The following VAPB variants were observed in gnomAD, a reference collection of about 807,000 sequenced individuals.
VAPB encodes vesicle-associated membrane protein-associated protein B/C.
A neutral mutation model predicts 25.6 loss-of-function variants in VAPB; 7 were observed. The ratio of observed to expected loss-of-function variants is 0.27; its 90% CI spans 0.16 to 0.51. VAPB has a LOEUF of 0.51. VAPB is among the 20% of genes least tolerant of loss of function. The probability of loss-of-function intolerance (pLI) is 0.97; values close to 1 mark genes in which losing one functional copy is unlikely to be tolerated. For synonymous variants in VAPB, 112 were observed against 109.2 expected, an observed-to-expected ratio of 1.03 and a Z score of -0.16; for missense variants, 266 against 301.3, an observed-to-expected ratio of 0.88 and a Z score of 0.87.
In VAPB at chr20:58,449,122, T is replaced by C. The variant is rs1208506632; in HGVS notation, c.*4887T>C. The stretch of plus-strand genomic sequence containing the variant: ...AAGGAGCGTCAGCCGACAGGCAAGC[T>C]TGGGAGGCTGTGGGAATGGGTCTGC... On this transcript the variant is annotated 3_prime_UTR_variant, in exon 6 of 6. Coordinates refer to ENST00000475243, the MANE Select transcript of VAPB (RefSeq NM_004738.5). The C allele has an allele frequency of 2.2e-6, 1 of 454,110 alleles. No individual in the cohort carries two copies. Among genetic ancestry groups the C allele is most frequent in the Non-Finnish European group, 4.4e-6 (1 of 226,788 alleles). 28.1% of individuals were successfully genotyped at this position (454,110 alleles called of 1,614,324 possible).
chr20:58,395,087 C>A (rs937128273), intron 1 of VAPB, among the ~76,000 whole-genome samples: 2 of 151,788 alleles, frequency 1.3e-5, no homozygotes, highest in South Asian at 4.2e-4. Context: ...TCAAATACTA[C>A]CCCTAGGCAT....
In VAPB at chr20:58,444,518, G is replaced by A; in HGVS notation, c.*283G>A. The A allele has an allele frequency of 1.8e-6, 1 of 558,224 alleles. No individual in the cohort carries two copies. Among genetic ancestry groups the A allele is most frequent in the Non-Finnish European group, 3.4e-6 (1 of 294,942 alleles). 34.6% of individuals were successfully genotyped at this position (558,224 alleles called of 1,614,324 possible). ...ATGAGTAATGCCACAATGGCATATTGTAAATGTCATTTTAAACATTGGTAG... is the reference window on the plus strand; with the variant it reads ...ATGAGTAATGCCACAATGGCATATTATAAATGTCATTTTAAACATTGGTAG... On this transcript the variant is annotated 3_prime_UTR_variant, in exon 6 of 6. Coordinates refer to ENST00000475243, the MANE Select transcript of VAPB (RefSeq NM_004738.5).
rs1238166665 is a variant in VAPB, at chr20:58,447,493, T to C, written c.*3258T>C. ...GGGAAAAATGAAGAACCTCCAGTGA[T>C]CCGTGAAAACCTAAACGCTTTCAAA... On this transcript the variant is annotated 3_prime_UTR_variant, in exon 6 of 6. Transcript: ENST00000475243. The C allele has an allele frequency of 1.3e-5, 6 of 453,980 alleles. No homozygotes were observed. The Admixed American group carries it at 1.4e-4, about 11-fold the overall frequency. 28.1% of individuals were successfully genotyped at this position (453,980 alleles called of 1,614,324 possible). A position where few individuals can be genotyped will look rare whatever the true frequency, so the allele number is the denominator to read the frequency against.
chr20:58,390,890 T>G (rs1466408459), intron 1 of VAPB, among the ~76,000 whole-genome samples: 1 of 152,198 alleles, frequency 6.6e-6, no homozygotes, highest in Non-Finnish European at 1.5e-5. Flanking sequence ...GGCTGTCACT[T>G]TGCCTTCCAA....
At chr20:58,430,224 C>T (rs372744237) in intron 2 of VAPB, among the ~76,000 whole-genome samples, 1 of 149,246 alleles carries the variant, frequency 6.7e-6, no homozygotes, top group East Asian at 2.0e-4. Context: ...TGATACTTGA[C>T]ATTTTTTCAT....
chr20:58,428,535 C>T (rs1045282912), intron 2 of VAPB, among the ~76,000 whole-genome samples: 3 of 152,074 alleles, frequency 2.0e-5, no homozygotes, highest in East Asian at 1.9e-4. Context: ...ACCTATAGTC[C>T]TAGCTACTCA....
intron 1 of VAPB, among the ~76,000 whole-genome samples, chr20:58,409,934 C>CACAA (rs1555811896): frequency 1.3e-5 from 2 of 148,338 alleles, no homozygotes; most frequent in Non-Finnish European, 1.5e-5. Context: ...CACACACACA[C>CACAA]AATACAGATA....
rs1363321820 is a variant in VAPB, at chr20:58,448,116, C to T, written c.*3881C>T. On this transcript the variant is annotated 3_prime_UTR_variant, in exon 6 of 6. Transcript: ENST00000475243. Reference sequence around the variant, plus strand: ...TAATTAACACTTGGGGCCATGTTTGCTGTTGTTGAGAAGGAGTGTTCTCAA... The same window carrying T: ...TAATTAACACTTGGGGCCATGTTTGTTGTTGTTGAGAAGGAGTGTTCTCAA... 2.2e-6 allele frequency: 1 copy of T among 453,760 alleles called. No individual in the cohort carries two copies. Among genetic ancestry groups the T allele is most frequent in the Non-Finnish European group, 4.4e-6 (1 of 226,746 alleles). The allele number at this position is 453,760 out of a possible 1,614,324, so 28.1% of individuals were successfully genotyped here.
rs1379395506 is a variant in VAPB, at chr20:58,445,926, A to C, written c.*1691A>C. The C allele has an allele frequency of 4.4e-6, 2 of 453,952 alleles. No homozygotes were observed. Among genetic ancestry groups the C allele is most frequent in the East Asian group, 6.9e-5 (1 of 14,404 alleles). The allele number at this position is 453,952 out of a possible 1,614,324, so 28.1% of individuals were successfully genotyped here. The stretch of plus-strand genomic sequence containing the variant: ...TGCACAGGTTTGAGAGGACAAGTTC[A>C]TCAGAAGGAAGGCAGTCCTTAGAAG... On this transcript the variant is annotated 3_prime_UTR_variant, in exon 6 of 6. Transcript: ENST00000475243.
intron 2 of VAPB, among the ~76,000 whole-genome samples, chr20:58,419,759 AAATCTTT>A (rs1988629397): frequency 6.6e-6 from 1 of 152,174 alleles, no homozygotes; most frequent in Non-Finnish European, 1.5e-5. Flanking sequence ...AGGGCAGCTG[AAATCTTT>A]TGTTCCCCTC....
chr20:58,404,433 C>T (rs933320982), intron 1 of VAPB, among the ~76,000 whole-genome samples: 43 of 152,200 alleles, frequency 2.8e-4, no homozygotes, highest in African/African-American at 9.9e-4. Flanking sequence ...TTTCAGACTC[C>T]AGGGCTTGCC....
rs1467008820 is a variant in VAPB, at chr20:58,447,823, T to C, written c.*3588T>C. The C allele has an allele frequency of 2.2e-6, 1 of 454,102 alleles. No homozygotes were observed. The highest frequency in any genetic ancestry group is 4.4e-6 in the Non-Finnish European group (1 of 226,786). 28.1% of individuals were successfully genotyped at this position (454,102 alleles called of 1,614,324 possible). On this transcript the variant is annotated 3_prime_UTR_variant, in exon 6 of 6. Transcript: ENST00000475243. ...TATATGTCATTTTCAGCTCCTTCTC[T>C]AAAGGAATGGCCCATTTCTCATTGT...
chr20:58,415,806 C>T (rs6100057), intron 1 of VAPB, among the ~76,000 whole-genome samples: 51,053 of 152,026 alleles, frequency 0.34, 8,890 homozygotes, highest in African/African-American at 0.35. Context: ...TAAGCTTTTA[C>T]ATCATTTTTA....
At chr20:58,391,558 A>G (rs1203627526) in intron 1 of VAPB, among the ~76,000 whole-genome samples, 1 of 151,298 alleles carries the variant, frequency 6.6e-6, no homozygotes, top group African/African-American at 2.4e-5. Flanking sequence ...TTTGAGATAG[A>G]GTTCTCACTC....
In VAPB at chr20:58,423,711, G is replaced by A. The variant is rs576847849; in HGVS notation, c.211+5348G>A. Among the ~76,000 whole-genome samples the A allele has an allele frequency of 6.9e-4, 105 of 152,264 alleles. 1 individual carries two copies. The highest frequency in any genetic ancestry group is 2.3e-3 in the African/African-American group (96 of 41,548). ...CACTGATAGTGGGAGCTGCATTTGG[G>A]GAGTTTGAGCTTCTTAACAGCAACA... On this transcript the variant is annotated intron_variant, in intron 2 of 5. Coordinates refer to ENST00000475243, the MANE Select transcript of VAPB (RefSeq NM_004738.5).
intron 1 of VAPB, among the ~76,000 whole-genome samples, chr20:58,400,609 G>C (rs371249832): frequency 3.9e-5 from 6 of 152,074 alleles, no homozygotes; most frequent in South Asian, 4.1e-4. Flanking sequence ...AGCTCCTATA[G>C]GTTTTTGTTT....
intron 3 of VAPB, among the ~76,000 whole-genome samples, chr20:58,435,013 C>A (rs988553448): frequency 3.3e-5 from 5 of 152,126 alleles, no homozygotes; most frequent in African/African-American, 1.2e-4. Flanking sequence ...TCTTTCGCCT[C>A]TCCTTTCTGC....
intron 1 of VAPB, among the ~76,000 whole-genome samples, chr20:58,413,609 A>G (rs910276178): frequency 4.6e-5 from 7 of 151,740 alleles, no homozygotes; most frequent in Non-Finnish European, 8.8e-5. Context: ...CCGCCTTTCT[A>G]TTCCACAAAG....
At chr20:58,428,123 A>G (rs896084760) in intron 2 of VAPB, among the ~76,000 whole-genome samples, 2 of 152,232 alleles carry the variant, frequency 1.3e-5, no homozygotes, top group African/African-American at 4.8e-5. Flanking sequence ...GTGTGTGTGT[A>G]TGTTTTAAGT....
Sources: allele counts gnomAD v4.1 joint callset (sites outside exome capture counted in the v4.1 genomes callset), GRCh38; gene constraint gnomAD v4.1.1; transcripts MANE v1.5; gene names NCBI Gene and HGNC (gene_info 2026-07-23, HGNC 2026-07-21).